Variants in HEATR4 observed in about 807,000 individuals in gnomAD.
The protein encoded by HEATR4 is HEAT repeat containing 4, also known as HEAT repeat-containing protein 4.
HEATR4 carries 95 observed loss-of-function variants against 108.8 expected under a neutral mutation model. The observed-to-expected ratio is 0.87, with a 90% CI of 0.74 to 1.04. The LOEUF (loss-of-function observed/expected upper bound fraction) is 1.04. Among genes scored for constraint, HEATR4 ranks in the 50% least tolerant of loss-of-function variants. The pLI is 0.00. For synonymous variants in HEATR4, 443 were observed against 459.4 expected, an observed-to-expected ratio of 0.96 and a Z score of 0.46; for missense variants, 1,152 against 1,253.8, an observed-to-expected ratio of 0.92 and a Z score of 1.23.
At chr14:73,615,655 G>C in the HEATR4 span, among the ~76,000 whole-genome samples, 1 of 151,610 alleles carries the variant, frequency 6.6e-6, no homozygotes, top group East Asian at 2.0e-4. Context: ...GCTTGAACCC[G>C]GGGGGAGACG....
chr14:73,527,711 C>T (rs1355237090), intron 2 of HEATR4, among the ~76,000 whole-genome samples: 1 of 151,990 alleles, frequency 6.6e-6, no homozygotes, highest in African/African-American at 2.4e-5. Context: ...GGCAGGATGG[C>T]TCATGCCTGT....
chr14:73,513,591 G>A (rs1176654528), intron 6 of HEATR4, among the ~76,000 whole-genome samples: 1 of 151,652 alleles, frequency 6.6e-6, no homozygotes, highest in Admixed American at 6.6e-5. Context: ...ACCAAGTGTG[G>A]TGGCGGGTGC....
chr14:73,596,724 G>A, the HEATR4 span, among the ~76,000 whole-genome samples: 17 of 151,344 alleles, frequency 1.1e-4, no homozygotes, highest in African/African-American at 4.1e-4. Context: ...TCAGCCTCCC[G>A]AGTAGCTGGG....
rs991235592 is a variant in HEATR4, at chr14:73,509,311, C to T, written c.1720+1G>A. On this transcript the variant is annotated splice_donor_variant, in intron 8 of 17. Transcript: ENST00000553558. LOFTEE classifies it high-confidence loss of function. ...GTCAGAAGTAACAGGGAGTTACTCACCCTTCAGAAGGGCAGTCTGCATGAT... is the reference window on the plus strand; with the variant it reads ...GTCAGAAGTAACAGGGAGTTACTCATCCTTCAGAAGGGCAGTCTGCATGAT... 7 of 1,613,800 alleles carry T rather than the reference C, an allele frequency of 4.3e-6. No individual in the cohort carries two copies. In the South Asian group the frequency reaches 5.5e-5, roughly 13 times the overall value.
chr14:73,492,448 C>T lies in HEATR4; in HGVS notation c.2844+618G>A. ...CTAAGGATCCGCGAAGAACCGCTTT[C>T]ATGGAGAAGGTGCGGGTCTTGGTTG... On this transcript the variant is annotated intron_variant, in intron 17 of 17. Transcript: ENST00000553558. This position sits in a 1 kb window ranked among gnomAD's most constrained non-coding sequence, Gnocchi z 4.9. The T allele has an allele frequency of 6.2e-7, 1 of 1,613,782 alleles. No homozygotes were observed. Among genetic ancestry groups the T allele is most frequent in the Non-Finnish European group, 8.5e-7 (1 of 1,179,808 alleles).
intron 17 of HEATR4, chr14:73,481,015 CA>C (rs34087622): frequency 6.3e-5 from 9 of 143,798 alleles, no homozygotes; most frequent in African/African-American, 7.7e-5. Flanking sequence ...GACTCCATCT[CA>C]AAAAAAAAAG....
chr14:73,547,017 C>T lies in HEATR4; in HGVS notation c.-152+11734G>A, dbSNP rs1342786616. 3.8e-5 allele frequency among the ~76,000 whole-genome samples: 4 copies of T among 106,588 alleles called. 1 individual carries two copies. The highest frequency in any genetic ancestry group is 7.5e-4 in the East Asian group (1 of 1,332). The allele number at this position is 106,588 out of a possible 152,430, so 69.9% of individuals were successfully genotyped here. A position where few individuals can be genotyped will look rare whatever the true frequency, so the allele number is the denominator to read the frequency against. On this transcript the variant is annotated intron_variant, in intron 1 of 17. Transcript: ENST00000553558. ...CAGGAGAATAGCTTGAACAAGGAGG[C>T]GGAGGTTACAGTGAGCCAAGATCAC...
the HEATR4 span, chr14:73,595,992 T>C: frequency 9.8e-4 from 183 of 185,796 alleles, no homozygotes; most frequent in Non-Finnish European, 1.8e-3. Context: ...GGTCACTTAA[T>C]GTTTGCTGTT....
intron 10 of HEATR4, 73 bp from the exon 11 acceptor site, chr14:73,503,086 T>C: frequency 8.2e-7 from 1 of 1,215,590 alleles, no homozygotes; most frequent in Non-Finnish European, 1.2e-6. Context: ...TGTGCTGTTT[T>C]TTCTTCTTTT....
Position 73,493,075 on chromosome 14 carries a change from T to C in HEATR4, c.2835A>G (p.Ala945=). The C allele has an allele frequency of 6.2e-7, 1 of 1,611,446 alleles. No homozygotes were observed. Residue 945 remains alanine (A), a synonymous_variant, in exon 17 of 18, where the codon GCA becomes GCG. Transcript: ENST00000553558. ...GTGTGCTCACATTTACCTTTATCAC[T>C]GCTTCAGTGTCACAAACCTCGGAAG... The part of the protein sequence containing the change: ...RRPSEVCDTE[A]VIKPVKPRAP...
At chr14:73,569,845 G>T in the HEATR4 span, 29 of 1,604,848 alleles carry the variant, frequency 1.8e-5, no homozygotes, top group South Asian at 2.7e-4. Flanking sequence ...GAGCCGGTGC[G>T]CGTGGGCCGG....
At chr14:73,608,264 C>T in the HEATR4 span, among the ~76,000 whole-genome samples, 1 of 152,168 alleles carries the variant, frequency 6.6e-6, no homozygotes, top group East Asian at 1.9e-4. Context: ...TGCAAATTTT[C>T]CAAACTTTTA....
At position 73,492,031 on chromosome 14, in the gene HEATR4, C is replaced by T. The variant is rs769724580; in HGVS notation, c.2844+1035G>A. 1.2e-6 allele frequency: 2 copies of T among 1,613,860 alleles called. No homozygotes were observed. Among genetic ancestry groups the T allele is most frequent in the African/African-American group, 1.3e-5 (1 of 74,916 alleles). On this transcript the variant is annotated intron_variant, in intron 17 of 17. Transcript: ENST00000553558. The surrounding 1 kb of genome is among the most constrained non-coding windows in gnomAD (Gnocchi z 4.9). ...CGCCCCCTAACTCGCAGGGCTTTGC[C>T]CCCCACTACGACGACATCGAGGCCT...
chr14:73,496,038 G>C (rs754598256), intron 15 of HEATR4, among the ~76,000 whole-genome samples: 1 of 152,150 alleles, frequency 6.6e-6, no homozygotes, highest in African/African-American at 2.4e-5. Flanking sequence ...GCTGAGGCAC[G>C]AGAATCACTT....
rs1257638036 is a variant in HEATR4, at chr14:73,531,069, C to G, written c.-151-825G>C. On this transcript the variant is annotated intron_variant, in intron 1 of 17. Coordinates refer to ENST00000553558, the MANE Select transcript of HEATR4 (RefSeq NM_001220484.1). ...CCTAATCCAAAGTTTTTTCAGCTAC[C>G]TCAGGTTGCCCCTCATCTTCCAGCT... The G allele has an allele frequency of 1.9e-5, 2 of 107,778 alleles. 1 individual carries two copies. The highest frequency in any genetic ancestry group is 4.0e-5 in the Non-Finnish European group (2 of 50,372). The allele number at this position is 107,778 out of a possible 1,614,324, so 6.7% of individuals were successfully genotyped here.
chr14:73,544,724 C>A (rs1309742882), intron 1 of HEATR4, among the ~76,000 whole-genome samples: 1 of 114,478 alleles, frequency 8.7e-6, no homozygotes, highest in African/African-American at 2.8e-5. Flanking sequence ...ATTGCTTGAA[C>A]CCAGGAGTTC....
Position 73,502,933 on chromosome 14 carries a change from C to T in HEATR4, c.2067G>A (p.Gly689=), listed in dbSNP as rs1886571429. 1.2e-6 allele frequency: 2 copies of T among 1,613,892 alleles called. No individual in the cohort carries two copies. Among genetic ancestry groups the T allele is most frequent in the Non-Finnish European group, 1.7e-6 (2 of 1,180,004 alleles). ...EVRRAAAQAL[G]QMSLGKEVHD... ...GCACCTCTTTCCCGAGGCTCATTTG[C>T]CCAAGCGCCTGTGCAGCTGCTCTCC... The change falls in exon 11 of 18, where the codon GGG becomes GGA. Residue 689 remains glycine (G), a synonymous_variant. Transcript: ENST00000553558.
chr14:73,541,059 A>AT (rs1295491892), intron 1 of HEATR4, among the ~76,000 whole-genome samples: 1 of 114,004 alleles, frequency 8.8e-6, no homozygotes, highest in Non-Finnish European at 1.9e-5. Flanking sequence ...TTATTCTTTA[A>AT]TTTTGTGTGA....
chr14:73,612,531 A>G, the HEATR4 span: 1 of 1,214,826 alleles, frequency 8.2e-7, no homozygotes, highest in Non-Finnish European at 1.1e-6. Flanking sequence ...CCGCCCACTG[A>G]CTCCGCGGAG....
Sources: allele counts gnomAD v4.1 joint callset (sites outside exome capture counted in the v4.1 genomes callset), GRCh38; gene constraint gnomAD v4.1.1; non-coding constraint Gnocchi (gnomAD v3.1); transcripts MANE v1.5; gene names NCBI Gene and HGNC (gene_info 2026-07-23, HGNC 2026-07-21).